CARF: variants seen among roughly 807,000 people sequenced by gnomAD.
CARF encodes calcium responsive transcription factor, also known as calcium-responsive transcription factor.
A neutral mutation model predicts 82.0 loss-of-function variants in CARF; 57 were observed. The observed-to-expected ratio is 0.70, with a 90% CI of 0.56 to 0.87. The LOEUF is 0.87. CARF is among the 40% of genes least tolerant of loss of function. The pLI is 0.00. For synonymous variants in CARF, 268 were observed against 290.1 expected, an observed-to-expected ratio of 0.92 and a Z score of 0.77; for missense variants, 771 against 855.8, an observed-to-expected ratio of 0.90 and a Z score of 1.24.
Position 202,971,525 on chromosome 2 carries a change from C to A in CARF, c.1118C>A (p.Thr373Lys), listed in dbSNP as rs768603678. 6.2e-7 allele frequency: 1 copy of A among 1,612,090 alleles called. No individual in the cohort carries two copies. Among genetic ancestry groups the A allele is most frequent in the South Asian group, 1.1e-5 (1 of 90,990 alleles). ...ACCAGGTGGTATGTACAGTTACCTA[C>A]ACAGCAAGCTCATCAGTATCATGAA... ...GVLRWYVQLP[T>K]QQAHQYHELE... The change falls in exon 12 of 17, where the codon ACA (threonine) becomes AAA (lysine). Residue 373 changes from threonine to lysine, a missense_variant. Thr to Lys is a moderately conservative substitution (Grantham distance 78, BLOSUM62 -1). Transcript: ENST00000438828.
Position 202,952,577 on chromosome 2 carries a change from A to G in CARF, c.325A>G (p.Thr109Ala). The G allele has an allele frequency of 1.2e-6, 2 of 1,613,822 alleles. No homozygotes were observed. The highest frequency in any genetic ancestry group is 1.7e-6 in the Non-Finnish European group (2 of 1,179,888). ...TTCCAAGATGATCGTTGCCAGCCCA[A>G]CAGAAAATGGACAGGTACTTCGTGT... ...NAQMMIVASPTENGQVLRVIP... is the reference protein window; with the variant it reads ...NAQMMIVASPAENGQVLRVIP... Residue 109 changes from threonine to alanine, a missense_variant, in exon 6 of 17, where the codon ACA becomes GCA. Thr to Ala is a moderately conservative substitution (Grantham distance 58, BLOSUM62 0). Transcript: ENST00000438828.
At chr2:202,944,427 C>T (rs1399132859) in intron 5 of CARF, among the ~76,000 whole-genome samples, 1 of 152,022 alleles carries the variant, frequency 6.6e-6, no homozygotes, top group African/African-American at 2.4e-5. Context: ...ATAAATTATA[C>T]CACAGGTAAA....
intron 7 of CARF, among the ~76,000 whole-genome samples, chr2:202,954,908 G>A (rs1483314841): frequency 6.6e-6 from 1 of 151,640 alleles, no homozygotes; most frequent in Non-Finnish European, 1.5e-5. Context: ...CAGCCACTTG[G>A]GAGGCTGAGG....
chr2:202,921,798 CAT>C (rs1259253112), intron 2 of CARF, among the ~76,000 whole-genome samples: 1 of 152,018 alleles, frequency 6.6e-6, no homozygotes, highest in Non-Finnish European at 1.5e-5. Flanking sequence ...GTTTTAATGA[CAT>C]AAACAATAAA....
rs2060495003 is a variant in CARF, at chr2:202,988,016, C to T, written c.*4392C>T. 6.6e-6 allele frequency among the ~76,000 whole-genome samples: 1 copy of T among 152,184 alleles called. No homozygotes were observed. The highest frequency in any genetic ancestry group is 2.1e-4 in the South Asian group (1 of 4,824). ...ACCCCACCATCACCAGACCACTGATCTGCTTTCTTTATGATCAGTTTGCTA... is the reference window on the plus strand; with the variant it reads ...ACCCCACCATCACCAGACCACTGATTTGCTTTCTTTATGATCAGTTTGCTA... On this transcript the variant is annotated 3_prime_UTR_variant, in exon 17 of 17. Coordinates refer to ENST00000438828, the MANE Select transcript of CARF (RefSeq NM_024744.17).
At chr2:202,928,860 G>C (rs1021111048) in intron 3 of CARF, among the ~76,000 whole-genome samples, 6 of 152,080 alleles carry the variant, frequency 3.9e-5, no homozygotes, top group African/African-American at 1.4e-4. Flanking sequence ...GGTGCGAGCA[G>C]CTAGGACCAC....
At chr2:202,967,134 G>A (rs764385389) in intron 10 of CARF, 36 bp downstream of exon 10, 1 of 1,602,030 alleles carries the variant, frequency 6.2e-7, no homozygotes, top group South Asian at 1.1e-5. Context: ...TTTCTATTAA[G>A]AACTTATTTT....
chr2:202,961,191 A>G (rs555538912), intron 8 of CARF, 46 bp from the exon 9 acceptor site: 13 of 1,462,026 alleles, frequency 8.9e-6, no homozygotes, highest in East Asian at 6.8e-5. Context: ...TTATTATGCA[A>G]TGAAGTGTAT....
intron 2 of CARF, among the ~76,000 whole-genome samples, chr2:202,921,118 C>T (rs981936232): frequency 6.6e-6 from 1 of 152,184 alleles, no homozygotes. Context: ...TCTCCCGCCT[C>T]AGCCTCCCAG....
intron 1 of CARF, among the ~76,000 whole-genome samples, chr2:202,914,091 G>A (rs955677155): frequency 1.3e-4 from 20 of 152,222 alleles, no homozygotes; most frequent in African/African-American, 4.8e-4. Context: ...CCTCCAAACA[G>A]TACCTAGGAT....
chr2:202,969,095 GC>G (rs2059670609), intron 10 of CARF, among the ~76,000 whole-genome samples: 1 of 152,252 alleles, frequency 6.6e-6, no homozygotes, highest in East Asian at 1.9e-4. Context: ...TTTGAGACCA[GC>G]CTGACCAACA....
chr2:202,967,162 T>C, intron 10 of CARF, 64 bp downstream of exon 10: 1 of 1,541,836 alleles, frequency 6.5e-7, no homozygotes, highest in African/African-American at 1.4e-5. Context: ...CTAATACACA[T>C]ATTTTTATTA....
intron 1 of CARF, among the ~76,000 whole-genome samples, chr2:202,916,941 T>G (rs557017465): frequency 6.6e-6 from 1 of 152,270 alleles, no homozygotes; most frequent in South Asian, 2.1e-4. Flanking sequence ...CCGGGCGCGG[T>G]GGCTCACGCC....
chr2:202,982,327 G>T lies in CARF; in HGVS notation c.1945G>T (p.Val649Leu), dbSNP rs1344355246. 1.2e-6 allele frequency: 2 copies of T among 1,614,012 alleles called. No individual in the cohort carries two copies. The highest frequency in any genetic ancestry group is 2.2e-5 in the East Asian group (1 of 44,886). The change falls in exon 16 of 17, where the codon GTA becomes TTA. Residue 649 changes from valine (V) to leucine (L), a missense_variant. Transcript: ENST00000438828. ...DQNLVAMDEL[V>L]EVGDVEDTGN... Reference sequence around the variant, plus strand: ...AAATCTAGTTGCAATGGACGAGCTGGTAGAAGTTGGAGATGTTGAGGATAC... The same window carrying T: ...AAATCTAGTTGCAATGGACGAGCTGTTAGAAGTTGGAGATGTTGAGGATAC...
At chr2:202,972,671 G>A (rs1473983109) in intron 12 of CARF, among the ~76,000 whole-genome samples, 19 of 53,064 alleles carry the variant, frequency 3.6e-4, no homozygotes, top group South Asian at 2.9e-3. Context: ...GCGAGACTCC[G>A]TCTAAAAAAA....
intron 3 of CARF, among the ~76,000 whole-genome samples, chr2:202,932,552 C>T (rs1194224643): frequency 2.6e-5 from 4 of 151,962 alleles, no homozygotes; most frequent in East Asian, 1.9e-4. Context: ...CAATAGGGCT[C>T]GGTGGTAAGT....
At chr2:202,967,446 A>T (rs779813881) in intron 10 of CARF, among the ~76,000 whole-genome samples, 12 of 152,222 alleles carry the variant, frequency 7.9e-5, no homozygotes, top group Non-Finnish European at 5.9e-5. Context: ...ACATAGATTT[A>T]TTCTCAATCT....
chr2:202,960,950 G>T (rs556320053), intron 8 of CARF, among the ~76,000 whole-genome samples: 2 of 152,286 alleles, frequency 1.3e-5, no homozygotes, highest in African/African-American at 4.8e-5. Context: ...TGAAAGAATT[G>T]ATATACATTA....
In CARF at chr2:202,912,562, C is replaced by T. The variant is rs1191941728; in HGVS notation, c.-870C>T. ...TGCCGGCCTCCGCCCCCAGCCGCAG[C>T]CGGTCACTGGCGGCGCCTTCCGCGC... On this transcript the variant is annotated 5_prime_UTR_variant, in exon 1 of 17. Transcript: ENST00000438828. The T allele has an allele frequency of 6.6e-6, 1 of 151,584 alleles. No homozygotes were observed. 9.4% of individuals were successfully genotyped at this position (151,584 alleles called of 1,614,324 possible).
Sources: gnomAD v4.1 joint callset for allele counts (sites outside exome capture counted in the v4.1 genomes callset) on GRCh38, gnomAD v4.1.1 for gene constraint, MANE v1.5 for transcripts, NCBI Gene and HGNC (gene_info 2026-07-23, HGNC 2026-07-21) for gene names.